Variants in EFCAB6 observed in about 807,000 individuals in gnomAD.
The protein encoded by EFCAB6 is EF-hand calcium-binding domain-containing protein 6.
A neutral mutation model predicts 169.8 loss-of-function variants in EFCAB6; 156 were observed. The observed-to-expected ratio is 0.92, with a 90% CI of 0.81 to 1.05. The LOEUF (loss-of-function observed/expected upper bound fraction) is 1.05. Ranked by LOEUF, EFCAB6 falls within the 50% of genes least tolerant of loss-of-function variation. The pLI, the probability that EFCAB6 is intolerant of heterozygous loss-of-function variation, is 0.00. For synonymous variants in EFCAB6, 698 were observed against 676.4 expected (o/e 1.03, Z -0.50); for missense variants, 1,800 against 1,829.1 (o/e 0.98, Z 0.29).
At chr22:43,789,923 T>C (rs927756692) in intron 2 of EFCAB6, among the ~76,000 whole-genome samples, 2 of 151,888 alleles carry the variant, frequency 1.3e-5, no homozygotes, top group African/African-American at 2.4e-5. Context: ...AATGCAAGTG[T>C]AAAATTATTA....
chr22:43,651,266 C>T (rs1441373208), intron 17 of EFCAB6, among the ~76,000 whole-genome samples: 2 of 152,166 alleles, frequency 1.3e-5, no homozygotes, highest in Admixed American at 1.3e-4. Flanking sequence ...CCCTGCATCC[C>T]AGCAGCTCCA....
At chr22:43,604,954 G>A (rs1223851766) in intron 22 of EFCAB6, among the ~76,000 whole-genome samples, 1 of 152,122 alleles carries the variant, frequency 6.6e-6, no homozygotes, top group Non-Finnish European at 1.5e-5. Flanking sequence ...AGTTTTCAGA[G>A]CACACCCTCT....
intron 2 of EFCAB6, among the ~76,000 whole-genome samples, chr22:43,784,672 T>TGTGTATATATAC (rs2062005030): frequency 2.3e-5 from 1 of 42,914 alleles, no homozygotes; most frequent in African/African-American, 8.8e-5. Context: ...TACATATACA[T>TGTGTATATATAC]ATATACACAC....
At chr22:43,640,238 T>C (rs2055706187) in intron 17 of EFCAB6, among the ~76,000 whole-genome samples, 1 of 152,188 alleles carries the variant, frequency 6.6e-6, no homozygotes, top group East Asian at 1.9e-4. Flanking sequence ...CTGGATTCTG[T>C]TGTAGTTCTC....
intron 2 of EFCAB6, among the ~76,000 whole-genome samples, chr22:43,797,877 C>T (rs1011908096): frequency 2.0e-5 from 3 of 152,160 alleles, no homozygotes; most frequent in Non-Finnish European, 4.4e-5. Flanking sequence ...GTGCTCATTC[C>T]CAAGCAAGAG....
At chr22:43,636,693 C>T (rs1250687251) in intron 17 of EFCAB6, among the ~76,000 whole-genome samples, 1 of 151,192 alleles carries the variant, frequency 6.6e-6, no homozygotes, top group South Asian at 2.1e-4. Context: ...GCACTGTAAC[C>T]TCTGCCTCCC....
chr22:43,613,419 A>G (rs1185892764), intron 21 of EFCAB6, among the ~76,000 whole-genome samples: 1 of 152,166 alleles, frequency 6.6e-6, no homozygotes, highest in East Asian at 1.9e-4. Context: ...ATCATAGAAT[A>G]CTACAAAGTC....
At chr22:43,737,695 T>G (rs2060199518) in intron 6 of EFCAB6, among the ~76,000 whole-genome samples, 1 of 143,452 alleles carries the variant, frequency 7.0e-6, no homozygotes, top group Non-Finnish European at 1.5e-5. Flanking sequence ...GTGCATGTAC[T>G]CATACACACT....
intron 17 of EFCAB6, among the ~76,000 whole-genome samples, chr22:43,659,137 A>G (rs568726697): frequency 6.6e-6 from 1 of 152,290 alleles, no homozygotes; most frequent in South Asian, 2.1e-4. Flanking sequence ...AGGATTTCTT[A>G]TGCGCTCTCT....
intron 2 of EFCAB6, among the ~76,000 whole-genome samples, chr22:43,808,647 G>GACAAAA (rs1364403200): frequency 2.6e-5 from 4 of 151,756 alleles, no homozygotes; most frequent in Non-Finnish European, 1.5e-5. Context: ...CAGAGCATTG[G>GACAAAA]GCAAAAACAA....
At position 43,667,127 on chromosome 22, in the gene EFCAB6, T is replaced by A. The variant is rs1291157588; in HGVS notation, c.1960A>T (p.Ile654Phe). ...ACCTTCTTAAAGTCATGCACGTTAA[T>A]TTTTCCATTAGGCTCCTTGCTGAAG... ...LDFSKEPNGK[I>F]NVHDFKKVLE... is the part of the protein sequence containing the mutation. Residue 654 changes from isoleucine (I) to phenylalanine (F), a missense_variant, in exon 17 of 32, where the codon ATT becomes TTT. Ile to Phe is a conservative substitution (Grantham distance 21). Coordinates refer to ENST00000262726, the MANE Select transcript of EFCAB6 (RefSeq NM_022785.4). 2 of 1,614,060 alleles carry A rather than the reference T, an allele frequency of 1.2e-6. No homozygotes were observed. The highest frequency in any genetic ancestry group is 1.7e-6 in the Non-Finnish European group (2 of 1,180,000).
At chr22:43,735,271 TG>T (rs2060089883) in intron 7 of EFCAB6, among the ~76,000 whole-genome samples, 1 of 152,010 alleles carries the variant, frequency 6.6e-6, no homozygotes, top group South Asian at 2.1e-4. Context: ...TCAAACACCA[TG>T]AGGCAGCTAA....
intron 4 of EFCAB6, among the ~76,000 whole-genome samples, chr22:43,766,030 TG>T (rs2147933321): frequency 6.6e-6 from 1 of 152,000 alleles, no homozygotes; most frequent in African/African-American, 2.4e-5. Flanking sequence ...AAGTGTTTTT[TG>T]TTTGTTTTTG....
intron 23 of EFCAB6, among the ~76,000 whole-genome samples, chr22:43,598,897 T>C (rs1157709835): frequency 3.3e-5 from 5 of 152,236 alleles, no homozygotes; most frequent in Non-Finnish European, 7.3e-5. Flanking sequence ...ACACATTGTA[T>C]ACAAGTATCA....
chr22:43,617,663 G>A (rs1438457364), intron 20 of EFCAB6, among the ~76,000 whole-genome samples: 1 of 152,108 alleles, frequency 6.6e-6, no homozygotes, highest in Non-Finnish European at 1.5e-5. Context: ...CTTCCTATCA[G>A]TCAGCTCGTT....
At chr22:43,624,294 C>T (rs1279852673) in intron 20 of EFCAB6, among the ~76,000 whole-genome samples, 1 of 152,128 alleles carries the variant, frequency 6.6e-6, no homozygotes, top group African/African-American at 2.4e-5. Flanking sequence ...GCTGCAGCCT[C>T]TCCTCCTTTG....
chr22:43,725,140 T>G (rs2059679002), intron 8 of EFCAB6, among the ~76,000 whole-genome samples: 1 of 148,138 alleles, frequency 6.8e-6, no homozygotes, highest in African/African-American at 2.5e-5. Flanking sequence ...CTGGCTTTTT[T>G]TTTTTTTTTT....
chr22:43,743,019 G>A (rs532406704), intron 6 of EFCAB6, among the ~76,000 whole-genome samples: 3 of 152,308 alleles, frequency 2.0e-5, no homozygotes, highest in East Asian at 1.9e-4. Context: ...AGCCAAGCCC[G>A]TTACCTAACA....
intron 10 of EFCAB6, among the ~76,000 whole-genome samples, chr22:43,707,684 A>C (rs2059005015): frequency 6.6e-6 from 1 of 152,188 alleles, no homozygotes; most frequent in Admixed American, 6.5e-5. Context: ...GGCAAAATGA[A>C]GATATTTTTG....
Sources: allele counts gnomAD v4.1 joint callset (sites outside exome capture counted in the v4.1 genomes callset), GRCh38; gene constraint gnomAD v4.1.1; transcripts MANE v1.5; gene names NCBI Gene and HGNC (gene_info 2026-07-23, HGNC 2026-07-21).